TIAM1: variants seen among roughly 807,000 people sequenced by gnomAD.
The protein encoded by TIAM1 is TIAM Rac1 associated GEF 1.
In TIAM1, 65 loss-of-function variants were observed where a neutral mutation model predicts 163.5. The observed-to-expected ratio is 0.40, with a 90% CI of 0.33 to 0.49. The LOEUF (loss-of-function observed/expected upper bound fraction) is 0.49, where lower values mean the gene tolerates loss of function less well. Ranked by LOEUF, TIAM1 falls within the 20% of genes least tolerant of loss-of-function variation. The probability of loss-of-function intolerance (pLI) is 0.77; values close to 1 mark genes in which losing one functional copy is unlikely to be tolerated. For missense variants in TIAM1, 1,789 were observed against 2,044.7 expected, an observed-to-expected ratio of 0.87 and a Z score of 2.41; for synonymous variants, 833 against 810.1, an observed-to-expected ratio of 1.03 and a Z score of -0.48.
chr21:31,222,481 C>T (rs2146616410), intron 8 of TIAM1, among the ~76,000 whole-genome samples: 1 of 151,894 alleles, frequency 6.6e-6, no homozygotes, highest in Non-Finnish European at 1.5e-5. Context: ...TGGAAATTCC[C>T]TTCCTCAAGC....
At chr21:31,545,232 G>A (rs188477313) in intron 1 of TIAM1, among the ~76,000 whole-genome samples, 7 of 152,180 alleles carry the variant, frequency 4.6e-5, no homozygotes, top group African/African-American at 9.7e-5. Flanking sequence ...TAATGTCAGA[G>A]ATTGGAATGA....
chr21:31,318,895 G>T (rs979253678), intron 2 of TIAM1, among the ~76,000 whole-genome samples: 1 of 152,072 alleles, frequency 6.6e-6, no homozygotes, highest in Non-Finnish European at 1.5e-5. Flanking sequence ...ACAGGGTCTC[G>T]CTCTGTCCCT....
rs570307292 is a variant in TIAM1 at position 31,279,472 on chromosome 21, C to T, written c.-188-2564G>A. Among the ~76,000 whole-genome samples the T allele has an allele frequency of 5.3e-5, 8 of 152,348 alleles. No homozygotes were observed. In the East Asian group the frequency reaches 1.3e-3, roughly 26 times the overall value. ...AAGAGCTGCAAAGAACTCAGTTTCACTGGGAGACAGCTACGTACCAAGCTC... is the reference window on the plus strand; with the variant it reads ...AAGAGCTGCAAAGAACTCAGTTTCATTGGGAGACAGCTACGTACCAAGCTC... On this transcript the variant is annotated intron_variant, in intron 2 of 27. Transcript: ENST00000541036.
intron 1 of TIAM1, among the ~76,000 whole-genome samples, chr21:31,539,299 T>C (rs559151000): frequency 4.7e-4 from 71 of 149,542 alleles, no homozygotes; most frequent in Non-Finnish European, 9.4e-4. Context: ...AGAGTCCCGC[T>C]CTGTGGCCCA....
chr21:31,351,838 A>G (rs1602072075), intron 2 of TIAM1, among the ~76,000 whole-genome samples: 2 of 152,030 alleles, frequency 1.3e-5, no homozygotes, highest in African/African-American at 4.8e-5. Flanking sequence ...GAGGCCGAGG[A>G]GGGCAGATCA....
At chr21:31,350,158 C>T (rs2076211028) in intron 2 of TIAM1, among the ~76,000 whole-genome samples, 3 of 152,116 alleles carry the variant, frequency 2.0e-5, no homozygotes, top group Non-Finnish European at 4.4e-5. Context: ...CCTCTTGAGC[C>T]CTAAGCCTTC....
intron 6 of TIAM1, among the ~76,000 whole-genome samples, 197 bp downstream of exon 6, chr21:31,245,291 A>G (rs2071437426): frequency 6.9e-6 from 1 of 145,232 alleles, no homozygotes; most frequent in Non-Finnish European, 1.5e-5. Flanking sequence ...GAATGTACCT[A>G]CTCCTGGAAT....
At chr21:31,377,849 A>G (rs2076713925) in intron 2 of TIAM1, among the ~76,000 whole-genome samples, 1 of 152,014 alleles carries the variant, frequency 6.6e-6, no homozygotes, top group African/African-American at 2.4e-5. Flanking sequence ...AAAAAAAAAA[A>G]AAGTGGGCCA....
At chr21:31,315,818 A>G (rs1489451852) in intron 2 of TIAM1, among the ~76,000 whole-genome samples, 1 of 151,852 alleles carries the variant, frequency 6.6e-6, no homozygotes, top group Non-Finnish European at 1.5e-5. Context: ...CGTCTCTACT[A>G]AAAATACAAA....
At chr21:31,467,066 C>A (rs1247208422) in intron 1 of TIAM1, among the ~76,000 whole-genome samples, 1 of 151,944 alleles carries the variant, frequency 6.6e-6, no homozygotes, top group African/African-American at 2.4e-5. Flanking sequence ...TACTAAACTA[C>A]CCTAGCAAAG....
intron 26 of TIAM1, 116 bp downstream of exon 26, chr21:31,126,949 T>C: frequency 1.1e-6 from 1 of 935,224 alleles, no homozygotes; most frequent in Non-Finnish European, 1.7e-6. Flanking sequence ...TTACTGCATC[T>C]CAGTGATGTT....
intron 20 of TIAM1, among the ~76,000 whole-genome samples, chr21:31,145,479 G>A (rs2083067236): frequency 6.6e-6 from 1 of 152,126 alleles, no homozygotes; most frequent in Admixed American, 6.6e-5. Flanking sequence ...CTTTCTGTTG[G>A]TGCAACTGTT....
intron 2 of TIAM1, among the ~76,000 whole-genome samples, chr21:31,373,981 C>A (rs2076643319): frequency 6.6e-6 from 1 of 152,084 alleles, no homozygotes; most frequent in African/African-American, 2.4e-5. Context: ...CAGCCCCAAC[C>A]AAGGTCACCA....
At chr21:31,308,676 A>G (rs2074810400) in intron 2 of TIAM1, among the ~76,000 whole-genome samples, 1 of 152,108 alleles carries the variant, frequency 6.6e-6, no homozygotes, top group South Asian at 2.1e-4. Context: ...TGATTCGGGA[A>G]GGGGATGCAA....
At chr21:31,263,077 G>T (rs936140301) in intron 4 of TIAM1, among the ~76,000 whole-genome samples, 2 of 152,186 alleles carry the variant, frequency 1.3e-5, no homozygotes, top group Non-Finnish European at 2.9e-5. Context: ...CTTAGACTAG[G>T]AAATGTGGGC....
At chr21:31,229,948 C>T (rs2088314212) in intron 6 of TIAM1, among the ~76,000 whole-genome samples, 1 of 152,174 alleles carries the variant, frequency 6.6e-6, no homozygotes, top group Admixed American at 6.5e-5. Flanking sequence ...CTACCGCGCC[C>T]GGCCATCTTC....
intron 2 of TIAM1, among the ~76,000 whole-genome samples, chr21:31,297,789 T>C (rs1054350778): frequency 2.0e-5 from 3 of 152,176 alleles, no homozygotes; most frequent in African/African-American, 4.8e-5. Flanking sequence ...TATGATATAA[T>C]GCTCAGAGTT....
chr21:31,514,650 A>T (rs1376648952), intron 1 of TIAM1, among the ~76,000 whole-genome samples: 1 of 152,070 alleles, frequency 6.6e-6, no homozygotes, highest in Non-Finnish European at 1.5e-5. Flanking sequence ...CCAAGATTGC[A>T]CCGCTGTTCT....
At chr21:31,251,539 T>C (rs2071803764) in intron 5 of TIAM1, among the ~76,000 whole-genome samples, 1 of 152,194 alleles carries the variant, frequency 6.6e-6, no homozygotes, top group East Asian at 1.9e-4. Flanking sequence ...TTGTAGTCGA[T>C]AATGCCATAT....
Sources: allele counts gnomAD v4.1 joint callset (sites outside exome capture counted in the v4.1 genomes callset), GRCh38; gene constraint gnomAD v4.1.1; transcripts MANE v1.5; gene names NCBI Gene and HGNC (gene_info 2026-07-23, HGNC 2026-07-21).